Variants in ZNF560 observed in about 807,000 individuals in gnomAD.
ZNF560 encodes the protein zinc finger protein 560.
In ZNF560, 54 loss-of-function variants were observed where a neutral mutation model predicts 81.8. The observed-to-expected ratio is 0.66, with a 90% CI of 0.53 to 0.83. The LOEUF is 0.83. Ranked by LOEUF, ZNF560 falls within the 40% of genes least tolerant of loss-of-function variation. The pLI, the probability that ZNF560 is intolerant of heterozygous loss-of-function variation, is 0.00. For synonymous variants in ZNF560, 321 were observed against 317.9 expected (o/e 1.01, Z -0.10); for missense variants, 940 against 932.4 (o/e 1.01, Z -0.11).
the ZNF560 span, among the ~76,000 whole-genome samples, chr19:9,448,121 A>C: frequency 7.2e-5 from 11 of 152,178 alleles, no homozygotes; most frequent in African/African-American, 2.7e-4. Flanking sequence ...TAAGCTTCAT[A>C]AGAGTAGAAT....
At chr19:9,463,768 GA>G (rs2072972233), downstream of ZNF560, among the ~76,000 whole-genome samples, 1 of 152,194 alleles carries the variant, frequency 6.6e-6, no homozygotes, top group Admixed American at 6.5e-5. Context: ...CTGCAGCCAT[GA>G]CCTCCCTGGG....
chr19:9,450,593 G>C, the ZNF560 span, among the ~76,000 whole-genome samples: 1 of 152,084 alleles, frequency 6.6e-6, no homozygotes, highest in Non-Finnish European at 1.5e-5. Context: ...TCTCGCTGTT[G>C]CCCAGGCTGG....
chr19:9,452,563 C>T, the ZNF560 span, among the ~76,000 whole-genome samples: 308 of 152,280 alleles, frequency 2.0e-3, 5 homozygotes, highest in Middle Eastern at 0.02. Context: ...TGGAATACTA[C>T]GCAGCCATAA....
At chr19:9,453,001 C>T in the ZNF560 span, among the ~76,000 whole-genome samples, 1 of 152,150 alleles carries the variant, frequency 6.6e-6, no homozygotes. Flanking sequence ...CTCTTCCCCG[C>T]ACAATGTTCA....
chr19:9,470,612 G>A (rs2073106532), intron 6 of ZNF560, 94 bp from the exon 7 acceptor site: 3 of 1,574,084 alleles, frequency 1.9e-6, no homozygotes, highest in East Asian at 2.2e-5. Context: ...CCTGTACAGG[G>A]TACTGAGTGC....
intron 2 of ZNF560, among the ~76,000 whole-genome samples, chr19:9,483,736 G>A (rs1172744153): frequency 1.3e-3 from 177 of 136,130 alleles, no homozygotes; most frequent in Middle Eastern, 4.6e-3. Context: ...CTGCCCGGCT[G>A]CCCCTTCTGG....
chr19:9,467,143 A>G lies in ZNF560; in HGVS notation c.1804T>C (p.Cys602Arg), dbSNP rs1248285338. 6.2e-7 allele frequency: 1 copy of G among 1,613,892 alleles called. No homozygotes were observed. The highest frequency in any genetic ancestry group is 1.3e-5 in the African/African-American group (1 of 74,898). ...RRHSGEKPYE[C>R]KKCGKAFTER... ...GTGAAGGCTTTTCCACATTTCTTAC[A>G]TTCATATGGCTTCTCTCCACTGTGT... The change falls in exon 10 of 10, where the codon TGT becomes CGT. Residue 602 changes from cysteine to arginine, a missense_variant. Coordinates refer to ENST00000301480, the MANE Select transcript of ZNF560 (RefSeq NM_152476.3).
intron 2 of ZNF560, among the ~76,000 whole-genome samples, chr19:9,479,263 AC>A: frequency 6.6e-6 from 1 of 152,244 alleles, no homozygotes; most frequent in Middle Eastern, 3.4e-3. Flanking sequence ...GAATGCACAC[AC>A]ACTAAATTCT....
chr19:9,465,974 A>G (rs564302016), downstream of ZNF560, among the ~76,000 whole-genome samples: 16 of 152,118 alleles, frequency 1.1e-4, no homozygotes, highest in African/African-American at 3.9e-4. Context: ...AGCCTGGGCT[A>G]CAGAGTGGGA....
intron 2 of ZNF560, among the ~76,000 whole-genome samples, chr19:9,490,404 C>T (rs1432161008): frequency 1.3e-5 from 2 of 152,170 alleles, no homozygotes; most frequent in African/African-American, 4.8e-5. Flanking sequence ...GTCAAGGGCA[C>T]ACTGAATGTA....
At chr19:9,462,722 GATAAT>G (rs1276535463), downstream of ZNF560, among the ~76,000 whole-genome samples, 5 of 151,556 alleles carry the variant, frequency 3.3e-5, no homozygotes, top group African/African-American at 1.2e-4. Flanking sequence ...GAATTACAAA[GATAAT>G]ATAACATTGG....
chr19:9,494,686 A>C (rs1051513857), intron 2 of ZNF560, among the ~76,000 whole-genome samples: 1 of 152,136 alleles, frequency 6.6e-6, no homozygotes, highest in African/African-American at 2.4e-5. Context: ...CAGTGAGCCA[A>C]GATCACGCCA....
chr19:9,451,106 G>T, the ZNF560 span, among the ~76,000 whole-genome samples: 1 of 149,192 alleles, frequency 6.7e-6, no homozygotes, highest in Non-Finnish European at 1.5e-5. Context: ...ATTTTTCAAA[G>T]AATTAGAAAA....
At chr19:9,497,516 C>G in intron 2 of ZNF560, among the ~76,000 whole-genome samples, 1 of 132,116 alleles carries the variant, frequency 7.6e-6, no homozygotes, top group East Asian at 2.2e-4. Context: ...GCCTGGGCGA[C>G]ACAGCTAGAC....
chr19:9,465,659 A>C (rs1002778098), downstream of ZNF560, among the ~76,000 whole-genome samples: 27 of 152,348 alleles, frequency 1.8e-4, no homozygotes, highest in African/African-American at 6.3e-4. Flanking sequence ...CTATTAAGGC[A>C]TATGGACTTC....
downstream of ZNF560, among the ~76,000 whole-genome samples, chr19:9,462,703 A>G (rs866096192): frequency 1.3e-5 from 2 of 152,164 alleles, no homozygotes; most frequent in Non-Finnish European, 2.9e-5. Context: ...CTCAAACTGC[A>G]TTTTTCTGGA....
chr19:9,464,244 T>C (rs1040433164), downstream of ZNF560, among the ~76,000 whole-genome samples: 1 of 152,206 alleles, frequency 6.6e-6, no homozygotes, highest in African/African-American at 2.4e-5. Context: ...CACAGGAGTT[T>C]TTCTGTTTTC....
intron 5 of ZNF560, among the ~76,000 whole-genome samples, chr19:9,472,064 C>A: frequency 6.6e-6 from 1 of 150,828 alleles, no homozygotes; most frequent in Non-Finnish European, 1.5e-5. Context: ...GAGCCAAGAT[C>A]GTGCCACTGC....
chr19:9,456,959 G>A, the ZNF560 span, among the ~76,000 whole-genome samples: 1 of 152,152 alleles, frequency 6.6e-6, no homozygotes, highest in East Asian at 1.9e-4. Flanking sequence ...TCTTCAAGCG[G>A]AAAGACAAAG....
Sources: gnomAD v4.1 joint callset for allele counts (sites outside exome capture counted in the v4.1 genomes callset) on GRCh38, gnomAD v4.1.1 for gene constraint, MANE v1.5 for transcripts, NCBI Gene and HGNC (gene_info 2026-07-23, HGNC 2026-07-21) for gene names.